Variants in MICAL2 observed in about 807,000 individuals in gnomAD.
MICAL2 encodes the protein microtubule associated monooxygenase, calponin and LIM domain containing 2.
A neutral mutation model predicts 127.3 loss-of-function variants in MICAL2; 77 were observed. The ratio of observed to expected loss-of-function variants is 0.60; its 90% CI spans 0.50 to 0.73. MICAL2 has a LOEUF of 0.73. MICAL2 is among the 30% of genes least tolerant of loss of function. The pLI is 0.00. For missense variants in MICAL2, 1,351 were observed against 1,434.4 expected (o/e 0.94, Z 0.94); for synonymous variants, 570 against 551.1 (o/e 1.03, Z -0.48).
intron 2 of MICAL2, among the ~76,000 whole-genome samples, chr11:12,152,357 C>T (rs1436398323): frequency 7.2e-6 from 1 of 138,764 alleles, no homozygotes; most frequent in Non-Finnish European, 1.6e-5. Flanking sequence ...AGACCAAAGA[C>T]TACATCCTGA....
intron 6 of MICAL2, among the ~76,000 whole-genome samples, chr11:12,210,032 G>T (rs1233578257): frequency 2.0e-5 from 3 of 152,040 alleles, no homozygotes; most frequent in Non-Finnish European, 4.4e-5. Flanking sequence ...TACTATTAAT[G>T]GTATTCGCTT....
intron 32 of MICAL2, among the ~76,000 whole-genome samples, chr11:12,335,529 A>T (rs185905159): frequency 0.016 from 2,497 of 152,178 alleles, 55 homozygotes; most frequent in African/African-American, 0.056. Context: ...GTCATTGCCC[A>T]TGCCTATGTC....
intron 3 of MICAL2, among the ~76,000 whole-genome samples, chr11:12,175,433 G>A (rs1475628604): frequency 1.3e-5 from 2 of 151,222 alleles, no homozygotes; most frequent in African/African-American, 2.4e-5. Context: ...CCGAGATTGC[G>A]CCACTCCACT....
chr11:12,244,574 A>G (rs1250336437), intron 21 of MICAL2, among the ~76,000 whole-genome samples: 1 of 152,226 alleles, frequency 6.6e-6, no homozygotes. Flanking sequence ...CATTCATTCT[A>G]TAAGAGGTTT....
At chr11:12,354,472 CAA>C (rs11296730) in intron 33 of MICAL2, among the ~76,000 whole-genome samples, 1,493 of 133,742 alleles carry the variant, frequency 0.011, 25 homozygotes, top group African/African-American at 0.033. Flanking sequence ...ACTCTGTCTC[CAA>C]AAAAAAAAAA....
At chr11:12,274,727 A>G (rs1863706466), upstream of MICAL2, 1 of 152,346 alleles carries the variant, frequency 6.6e-6, no homozygotes, top group African/African-American at 2.4e-5. Context: ...GGCCAGTGCT[A>G]GGAGACAAGG....
At chr11:12,115,175 A>T (rs947009059) in intron 1 of MICAL2, among the ~76,000 whole-genome samples, 5 of 152,248 alleles carry the variant, frequency 3.3e-5, no homozygotes, top group Non-Finnish European at 5.9e-5. Context: ...ATAAGTGTTT[A>T]TAACCTTCAA....
chr11:12,239,487 A>T lies in MICAL2; in HGVS notation c.2116A>T (p.Ser706Cys), dbSNP rs1859566158. ...SLGSNQECGS[S>C]KEGGNQNKVK... ...GGGCTCCAATCAAGAGTGTGGGAGC[A>T]GTAAGGAAGGTGGAAATCAGAACAA... is the stretch of plus-strand genomic sequence containing the variant. The change falls in exon 17 of 28, where the codon AGT becomes TGT. Residue 706 changes from serine to cysteine, a missense_variant. Ser to Cys is a moderately radical substitution (Grantham distance 112). This residue lies in a region of MICAL2 where 752 missense variants were observed against 719.4 expected (regional missense o/e 1.05). Transcript: ENST00000683283. 1 of 1,614,242 alleles carries T rather than the reference A, an allele frequency of 6.2e-7. No homozygotes were observed. Among genetic ancestry groups the T allele is most frequent in the African/African-American group, 1.3e-5 (1 of 75,060 alleles).
At chr11:12,248,763 G>GATAAATCTCAGGGACACCTGGTAGGAGA in intron 21 of MICAL2, among the ~76,000 whole-genome samples, 1 of 152,254 alleles carries the variant, frequency 6.6e-6, no homozygotes, top group Non-Finnish European at 1.5e-5. Context: ...CTGGTAGGAG[G>GATAAATCTCAGGGACACCTGGTAGGAGA]ATAAATCTCA....
chr11:12,206,625 C>T (rs1474477045), intron 4 of MICAL2, among the ~76,000 whole-genome samples: 1 of 152,200 alleles, frequency 6.6e-6, no homozygotes, highest in Non-Finnish European at 1.5e-5. Context: ...ATACTCAGCA[C>T]TGCTCAGCAG....
chr11:12,214,823 T>TCACA (rs72173748), intron 7 of MICAL2, among the ~76,000 whole-genome samples: 126 of 149,410 alleles, frequency 8.4e-4, no homozygotes, highest in African/African-American at 2.1e-3. Flanking sequence ...AGCTGGTCCA[T>TCACA]CACACACACA....
intron 7 of MICAL2, 76 bp from the exon 8 acceptor site, chr11:12,216,143 G>A (rs1856122193): frequency 9.1e-7 from 1 of 1,099,260 alleles, no homozygotes. Context: ...GACCAATAGT[G>A]AGGCAAAGTA....
chr11:12,239,406 A>G (rs748839129), intron 16 of MICAL2, 30 bp from the exon 17 acceptor site: 6 of 1,613,278 alleles, frequency 3.7e-6, no homozygotes, highest in Non-Finnish European at 5.1e-6. Flanking sequence ...CCAGGATCCA[A>G]CCATCAGTGT....
intron 32 of MICAL2, among the ~76,000 whole-genome samples, chr11:12,344,876 A>C (rs1021101297): frequency 6.6e-6 from 1 of 151,600 alleles, no homozygotes; most frequent in African/African-American, 2.4e-5. Context: ...TGGGAGGCCA[A>C]GGCGGGCAGA....
intron 29 of MICAL2, among the ~76,000 whole-genome samples, chr11:12,307,828 C>G (rs902602627): frequency 6.6e-6 from 1 of 152,192 alleles, no homozygotes; most frequent in Non-Finnish European, 1.5e-5. Context: ...ATACAATCAT[C>G]TTTACACTAA....
At chr11:12,157,563 A>G (rs1854323459) in intron 2 of MICAL2, among the ~76,000 whole-genome samples, 1 of 152,198 alleles carries the variant, frequency 6.6e-6, no homozygotes, top group Non-Finnish European at 1.5e-5. Flanking sequence ...GTTTCTTCCC[A>G]GAAAATGCAG....
intron 2 of MICAL2, among the ~76,000 whole-genome samples, chr11:12,144,321 G>T (rs1397627022): frequency 1.3e-5 from 2 of 152,210 alleles, no homozygotes; most frequent in East Asian, 3.9e-4. Context: ...GTATTCATCA[G>T]GATGATGGGA....
chr11:12,181,718 G>A (rs1857502074), intron 3 of MICAL2, among the ~76,000 whole-genome samples: 1 of 152,128 alleles, frequency 6.6e-6, no homozygotes, highest in East Asian at 1.9e-4. Context: ...GCTTAACAGG[G>A]GCCTGCAACA....
intron 22 of MICAL2, chr11:12,255,263 A>G (rs991809950): frequency 1.3e-5 from 3 of 238,248 alleles, no homozygotes; most frequent in Non-Finnish European, 2.5e-5. Context: ...TATTAAATAC[A>G]TCCTTCGTGT....
Sources: gnomAD v4.1 joint callset for allele counts (sites outside exome capture counted in the v4.1 genomes callset) on GRCh38, gnomAD v4.1.1 for gene constraint, gnomAD v4.1.1 regional missense constraint, MANE v1.5 for transcripts, NCBI Gene and HGNC (gene_info 2026-07-23, HGNC 2026-07-21) for gene names.